The following FCSK variants were observed in gnomAD, a reference collection of about 807,000 sequenced individuals.
FCSK encodes L-fucose kinase.
A neutral mutation model predicts 122.5 loss-of-function variants in FCSK; 123 were observed. The observed-to-expected ratio is 1.00, with a 90% CI of 0.87 to 1.17. FCSK has a LOEUF of 1.17. Ranked by LOEUF, FCSK falls within the 50% of genes most tolerant of loss-of-function variation. The probability of loss-of-function intolerance (pLI) is 0.00; values close to 1 mark genes in which losing one functional copy is unlikely to be tolerated. For synonymous variants in FCSK, 620 were observed against 625.5 expected (o/e 0.99, Z 0.13); for missense variants, 1,366 against 1,450.4 (o/e 0.94, Z 0.95).
At chr16:70,474,077 G>A (rs943305619) in intron 15 of FCSK, 52 bp from the exon 16 acceptor site, 2 of 1,512,372 alleles carry the variant, frequency 1.3e-6, no homozygotes, top group African/African-American at 1.4e-5. Flanking sequence ...CGTGAAAGAG[G>A]ATTTTGAAGA....
At chr16:70,461,000 G>A (rs1262086181) in intron 1 of FCSK, among the ~76,000 whole-genome samples, 2 of 152,218 alleles carry the variant, frequency 1.3e-5, no homozygotes, top group Admixed American at 1.3e-4. Flanking sequence ...TCAAGTGCCT[G>A]GCTGGGATCT....
chr16:70,478,841 A>T (rs2048904246), intron 22 of FCSK, 191 bp downstream of exon 22: 1 of 703,060 alleles, frequency 1.4e-6, no homozygotes, highest in Non-Finnish European at 2.6e-6. Context: ...CAAAATTTTC[A>T]TCATGGGAAA....
At chr16:70,462,332 G>T (rs1228302548) in intron 1 of FCSK, 1 of 151,268 alleles carries the variant, frequency 6.6e-6, no homozygotes, top group Non-Finnish European at 1.5e-5. Flanking sequence ...TTTTATTTTA[G>T]TTAATTAATT....
intron 5 of FCSK, 154 bp downstream of exon 5, chr16:70,466,411 G>A: frequency 3.2e-6 from 3 of 934,692 alleles, no homozygotes; most frequent in Non-Finnish European, 4.7e-6. Flanking sequence ...AGTTAGTTGT[G>A]TCTGGGGGCA....
In FCSK at chr16:70,471,340, G is replaced by A; in HGVS notation, c.1329G>A (p.Leu443=). The stretch of plus-strand genomic sequence containing the variant: ...ACGCCTTCACCCTCGTTGGCCGTCT[G>A]GACAGCTGGGAGGTAGGCAGTCACC... The part of the protein sequence containing the change: ...PGHAFTLVGR[L]DSWERQGAGT... The change falls in exon 13 of 24, where the codon CTG becomes CTA. Residue 443 remains leucine (L), a synonymous_variant. Coordinates refer to ENST00000288078, the MANE Select transcript of FCSK (RefSeq NM_145059.3). 4 of 1,584,212 alleles carry A rather than the reference G, an allele frequency of 2.5e-6. No individual in the cohort carries two copies. The highest frequency in any genetic ancestry group is 3.4e-6 in the Non-Finnish European group (4 of 1,162,942).
chr16:70,459,093 T>C (rs1275859405), intron 1 of FCSK, among the ~76,000 whole-genome samples: 1 of 151,552 alleles, frequency 6.6e-6, no homozygotes, highest in African/African-American at 2.4e-5. Context: ...CATGGTGGCA[T>C]GTGCCTATGG....
chr16:70,473,079 AC>A lies in FCSK; in HGVS notation c.1507del (p.Gln503ArgfsTer71). 1 of 1,589,824 alleles carries A rather than the reference AC, an allele frequency of 6.3e-7. No individual in the cohort carries two copies. The highest frequency in any genetic ancestry group is 8.6e-7 in the Non-Finnish European group (1 of 1,169,152). On this transcript the variant is annotated frameshift_variant, in exon 15 of 24. Transcript: ENST00000288078. LOFTEE classifies it high-confidence loss of function. This position sits in a 1 kb window ranked among gnomAD's most constrained non-coding sequence, Gnocchi z 4.9. ...TGCTCCACCCCTCGAGGGAGCTGGG[AC>A]CCCAGGACCTGCTGTGGATGCTGGA... ...PVLHPSRELG[P>X]QDLLWMLDHQ...
At chr16:70,475,858 T>G in intron 20 of FCSK, 91 bp downstream of exon 20, 1 of 1,317,182 alleles carries the variant, frequency 7.6e-7, no homozygotes, top group Admixed American at 2.9e-5. Context: ...TGCATGTGAT[T>G]GGCCAACAGC....
At chr16:70,468,033 T>G in intron 8 of FCSK, 67 bp downstream of exon 8, 1 of 1,126,432 alleles carries the variant, frequency 8.9e-7, no homozygotes, top group Non-Finnish European at 1.3e-6. Flanking sequence ...AGGGTCTGAC[T>G]TCCTTCGATT....
chr16:70,475,221 G>C (rs1406260603), intron 18 of FCSK, 129 bp from the exon 19 acceptor site: 1 of 1,156,982 alleles, frequency 8.6e-7, no homozygotes, highest in Non-Finnish European at 1.2e-6. Flanking sequence ...TTGGGGATGG[G>C]GCCAGTACTG....
At chr16:70,456,066 G>T (rs1221436943) in intron 1 of FCSK, among the ~76,000 whole-genome samples, 4 of 152,134 alleles carry the variant, frequency 2.6e-5, no homozygotes, top group African/African-American at 9.7e-5. Flanking sequence ...CAGCTACTTG[G>T]GAGGCTGGGA....
rs2151705459 is a variant in FCSK, at chr16:70,463,215, T to C, written c.25T>C (p.Trp9Arg). 6.2e-7 allele frequency: 1 copy of C among 1,614,082 alleles called. No homozygotes were observed. Among genetic ancestry groups the C allele is most frequent in the East Asian group, 2.2e-5 (1 of 44,874 alleles). MEQPKGVD[W>R]TVIILTCQYK... ...AATGGAGCAGCCGAAGGGAGTTGAT[T>C]GGACAGTCATCATCCTGACCTGCCA... The change falls in exon 2 of 24, where the codon TGG becomes CGG. Residue 9 changes from tryptophan (W) to arginine (R), a missense_variant. Trp to Arg is a moderately radical substitution (Grantham distance 101). Coordinates refer to ENST00000288078, the MANE Select transcript of FCSK (RefSeq NM_145059.3).
At chr16:70,458,135 A>G (rs1597597660) in intron 1 of FCSK, among the ~76,000 whole-genome samples, 1 of 148,624 alleles carries the variant, frequency 6.7e-6, no homozygotes, top group Non-Finnish European at 1.5e-5. Context: ...CCTAGTGGCT[A>G]TTATTAATTT....
rs1176789558 is a variant in FCSK at position 70,472,525 on chromosome 16, T to G, written c.1342-16T>G. The G allele has an allele frequency of 6.2e-7, 1 of 1,609,100 alleles. No individual in the cohort carries two copies. On this transcript the variant is annotated splice_polypyrimidine_tract_variant and intron_variant, in intron 13 of 23. Coordinates refer to ENST00000288078, the MANE Select transcript of FCSK (RefSeq NM_145059.3). ...TGTGGCCCCTGCAGCCCTGACTGCTTCTTCCTCTCCCCCAGAGACAGGGGG... is the reference window on the plus strand; with the variant it reads ...TGTGGCCCCTGCAGCCCTGACTGCTGCTTCCTCTCCCCCAGAGACAGGGGG...
chr16:70,466,259 T>G lies in FCSK; in HGVS notation c.411+2T>G. On this transcript the variant is annotated splice_donor_variant, in intron 5 of 23. Transcript: ENST00000288078. LOFTEE classifies it high-confidence loss of function. Reference sequence around the variant, plus strand: ...CTGCTGGACATCATGACCTATCGGGTGAGGCTGGGTGGTGGCCCGTGGTGC... The same window carrying G: ...CTGCTGGACATCATGACCTATCGGGGGAGGCTGGGTGGTGGCCCGTGGTGC... The G allele has an allele frequency of 2.5e-6, 4 of 1,613,790 alleles. No individual in the cohort carries two copies. The highest frequency in any genetic ancestry group is 3.4e-6 in the Non-Finnish European group (4 of 1,179,786).
At chr16:70,467,104 G>A in intron 6 of FCSK, 150 bp downstream of exon 6, 2 of 768,902 alleles carry the variant, frequency 2.6e-6, no homozygotes, top group Non-Finnish European at 4.4e-6. Context: ...GCCTGGTGGA[G>A]GCAGGGCTTC....
chr16:70,476,507 CTA>C (rs2048823290), intron 20 of FCSK, among the ~76,000 whole-genome samples: 1 of 151,636 alleles, frequency 6.6e-6, no homozygotes, highest in Admixed American at 6.6e-5. Context: ...CCAACAATGA[CTA>C]TGATCTAATG....
intron 6 of FCSK, 62 bp from the exon 7 acceptor site, chr16:70,467,312 G>A: frequency 8.2e-7 from 1 of 1,223,156 alleles, no homozygotes; most frequent in African/African-American, 1.5e-5. Flanking sequence ...CTTCCACCTG[G>A]TGGGGAAATC....
At position 70,479,231 on chromosome 16, in the gene FCSK, AGCTCATG is replaced by A. The variant is rs1340224601; in HGVS notation, c.2986_2992del (p.Met996GlnfsTer6). ...CTGACCTCGTACTGGGAGCAGAAGA[AGCTCATG>A]GCTCCAGGCTGTGAGCCCCTGACTG... On this transcript the variant is annotated frameshift_variant, in exon 23 of 24. Coordinates refer to ENST00000288078, the MANE Select transcript of FCSK (RefSeq NM_145059.3). LOFTEE classifies it high-confidence loss of function. The A allele has an allele frequency of 3.7e-6, 6 of 1,613,878 alleles. No individual in the cohort carries two copies. The highest frequency in any genetic ancestry group is 5.1e-6 in the Non-Finnish European group (6 of 1,180,030).
Sources: allele counts gnomAD v4.1 joint callset (sites outside exome capture counted in the v4.1 genomes callset), GRCh38; gene constraint gnomAD v4.1.1; non-coding constraint Gnocchi (gnomAD v3.1); transcripts MANE v1.5; gene names NCBI Gene and HGNC (gene_info 2026-07-23, HGNC 2026-07-21).